The following KYAT3 variants were observed in gnomAD, a reference collection of about 807,000 sequenced individuals.
KYAT3 encodes kynurenine--oxoglutarate transaminase 3.
In KYAT3, 50 loss-of-function variants were observed where a neutral mutation model predicts 59.0. The observed-to-expected ratio is 0.85, with a 90% CI of 0.68 to 1.07. The LOEUF (loss-of-function observed/expected upper bound fraction) is 1.07. KYAT3 is among the 50% of genes least tolerant of loss of function. The pLI, the probability that KYAT3 is intolerant of heterozygous loss-of-function variation, is 0.00. For missense variants in KYAT3, 497 were observed against 533.3 expected (o/e 0.93, Z 0.67); for synonymous variants, 148 against 177.0 (o/e 0.84, Z 1.30).
At chr1:88,932,918 C>T (rs1052137005), downstream of KYAT3, among the ~76,000 whole-genome samples, 11 of 152,256 alleles carry the variant, frequency 7.2e-5, no homozygotes, top group Non-Finnish European at 1.3e-4. Flanking sequence ...TACTACTCTC[C>T]CCCTTGGTTA....
intron 9 of KYAT3, among the ~76,000 whole-genome samples, chr1:88,953,451 C>G (rs1304497824): frequency 2.0e-5 from 3 of 149,902 alleles, no homozygotes; most frequent in Admixed American, 6.8e-5. Context: ...GAAGCTGAGG[C>G]AGGAGAATCA....
chr1:88,925,277 A>G, the KYAT3 span, among the ~76,000 whole-genome samples: 1 of 152,022 alleles, frequency 6.6e-6, no homozygotes, highest in Admixed American at 6.5e-5. Context: ...AGAAGTCTCT[A>G]CAGTCGCCCA....
chr1:88,986,157 G>A (rs890569832), intron 2 of KYAT3, among the ~76,000 whole-genome samples: 1 of 150,358 alleles, frequency 6.7e-6, no homozygotes, highest in African/African-American at 2.4e-5. Flanking sequence ...CTCCAGCCTG[G>A]GCGGCAAGAG....
At chr1:88,991,308 C>T (rs891138634) in intron 1 of KYAT3, among the ~76,000 whole-genome samples, 9 of 152,224 alleles carry the variant, frequency 5.9e-5, no homozygotes, top group Admixed American at 1.3e-4. Flanking sequence ...TTATACTTCA[C>T]ACATGGGGAG....
At chr1:88,960,330 T>G (rs1451071277) in intron 8 of KYAT3, among the ~76,000 whole-genome samples, 1 of 152,096 alleles carries the variant, frequency 6.6e-6, no homozygotes, top group African/African-American at 2.4e-5. Flanking sequence ...AATTTCTTTC[T>G]AATTCTCTAC....
intron 2 of KYAT3, among the ~76,000 whole-genome samples, chr1:88,979,052 G>A (rs1042784121): frequency 6.6e-6 from 1 of 152,170 alleles, no homozygotes; most frequent in African/African-American, 2.4e-5. Context: ...CGAAGCTATA[G>A]TAATCAGATC....
At chr1:88,989,541 T>G (rs1047098898) in intron 1 of KYAT3, among the ~76,000 whole-genome samples, 2 of 152,168 alleles carry the variant, frequency 1.3e-5, no homozygotes, top group African/African-American at 4.8e-5. Flanking sequence ...ATGGCGCAGC[T>G]GTCCCAAAAG....
intron 6 of KYAT3, among the ~76,000 whole-genome samples, chr1:88,961,754 T>C (rs1676154047): frequency 6.6e-6 from 1 of 152,198 alleles, no homozygotes; most frequent in Non-Finnish European, 1.5e-5. Context: ...AGTCTTATGC[T>C]CACACCTGTT....
In KYAT3 at chr1:88,943,391, G is replaced by C; in HGVS notation, c.1174C>G (p.Pro392Ala). ...PDLSDMKNNEPYDYKFVKWMT... is the reference protein window; with the variant it reads ...PDLSDMKNNEAYDYKFVKWMT... ...CATTTCACAAACTTATAGTCATAAG[G>C]CTCATTATTCTTCATATCAGAGAGG... Residue 392 changes from proline (P) to alanine (A), a missense_variant, in exon 12 of 14, where the codon CCT (proline) becomes GCT (alanine). Pro to Ala is a conservative substitution (Grantham distance 27). Around this residue, in one of 2 missense-constraint regions of KYAT3, gnomAD observed 469 missense variants for 479.1 expected, o/e 0.98. Transcript: ENST00000260508. 1.9e-6 allele frequency: 3 copies of C among 1,586,486 alleles called. No homozygotes were observed. Among genetic ancestry groups the C allele is most frequent in the East Asian group, 2.2e-5 (1 of 44,542 alleles).
rs531480485 is a variant in KYAT3 at position 88,989,299 on chromosome 1, AG to A, written c.-1-949del. On this transcript the variant is annotated intron_variant, in intron 1 of 13. Transcript: ENST00000260508. ...CAAGAAGGATAATACATCATGACCA[AG>A]GGGGGTTGGGTTTATATAAGAAACC... 1.6e-4 allele frequency among the ~76,000 whole-genome samples: 25 copies of A among 152,248 alleles called. No individual in the cohort carries two copies. In the South Asian group the frequency reaches 5.2e-3, roughly 32 times the overall value.
At chr1:88,936,728 T>G (rs1675052748) in intron 13 of KYAT3, among the ~76,000 whole-genome samples, 1 of 152,246 alleles carries the variant, frequency 6.6e-6, no homozygotes, top group Non-Finnish European at 1.5e-5. Context: ...TAGTTGTAAT[T>G]ATTGAAAAAT....
the KYAT3 span, among the ~76,000 whole-genome samples, chr1:88,925,319 T>C: frequency 6.6e-6 from 1 of 152,202 alleles, no homozygotes; most frequent in Non-Finnish European, 1.5e-5. Context: ...CTCTGACCCA[T>C]ACCTCCTGGG....
chr1:88,964,724 A>C, intron 5 of KYAT3, 105 bp downstream of exon 5: 1 of 909,962 alleles, frequency 1.1e-6, no homozygotes, highest in Non-Finnish European at 1.7e-6. Flanking sequence ...TTAAAACATA[A>C]TTAAAAATAA....
In KYAT3 at chr1:88,985,232, G is replaced by C. The variant is rs1677381733; in HGVS notation, c.99+3020C>G. Among the ~76,000 whole-genome samples, 3 of 152,174 alleles carry C rather than the reference G, an allele frequency of 2.0e-5. No homozygotes were observed. The South Asian group carries it at 6.2e-4, about 32-fold the overall frequency. On this transcript the variant is annotated intron_variant, in intron 2 of 13. Coordinates refer to ENST00000260508, the MANE Select transcript of KYAT3 (RefSeq NM_001008661.3). The stretch of plus-strand genomic sequence containing the variant: ...ACCTTGGAAGAGTGAGTAAGTGAAG[G>C]GAGTGCGTGAGTATTGTCCTCACCC...
intron 1 of KYAT3, among the ~76,000 whole-genome samples, chr1:88,990,200 G>A (rs1033762353): frequency 2.0e-5 from 3 of 151,746 alleles, no homozygotes; most frequent in Admixed American, 6.6e-5. Context: ...TTCCCTCTAC[G>A]GATACCTTGC....
intron 5 of KYAT3, among the ~76,000 whole-genome samples, chr1:88,963,529 A>G (rs1280913017): frequency 6.6e-6 from 1 of 152,232 alleles, no homozygotes; most frequent in Admixed American, 6.5e-5. Flanking sequence ...TTAACAATAT[A>G]GATCAGGATA....
intron 10 of KYAT3, among the ~76,000 whole-genome samples, chr1:88,952,786 T>A (rs1675735385): frequency 6.6e-6 from 1 of 152,172 alleles, no homozygotes; most frequent in Non-Finnish European, 1.5e-5. Context: ...CAAACACATG[T>A]GTAATTTTGT....
At chr1:88,941,229 G>A (rs1479246359) in intron 13 of KYAT3, among the ~76,000 whole-genome samples, 1 of 152,094 alleles carries the variant, frequency 6.6e-6, no homozygotes, top group Non-Finnish European at 1.5e-5. Flanking sequence ...TACATTGTTA[G>A]GTTGTTAATA....
At chr1:88,949,012 C>T in intron 11 of KYAT3, 79 bp downstream of exon 11, 2 of 1,222,398 alleles carry the variant, frequency 1.6e-6, no homozygotes, top group Non-Finnish European at 2.2e-6. Context: ...GGCTTTGACA[C>T]CAATCTTTTC....
Sources: allele counts gnomAD v4.1 joint callset (sites outside exome capture counted in the v4.1 genomes callset), GRCh38; gene constraint gnomAD v4.1.1; regional missense constraint gnomAD v4.1.1; transcripts MANE v1.5; gene names NCBI Gene and HGNC (gene_info 2026-07-23, HGNC 2026-07-21).